Variants in MMEL1 observed in about 807,000 individuals in gnomAD.
MMEL1 encodes the protein membrane metallo-endopeptidase-like 1.
In MMEL1, 98 loss-of-function variants were observed where a neutral mutation model predicts 117.1. The ratio of observed to expected loss-of-function variants is 0.84; its 90% CI spans 0.71 to 0.99. MMEL1 has a LOEUF of 0.99. Among genes scored for constraint, MMEL1 ranks in the 50% least tolerant of loss-of-function variants. MMEL1 has a pLI of 0.00. For missense variants in MMEL1, 1,014 were observed against 1,049.1 expected (o/e 0.97, Z 0.46); for synonymous variants, 390 against 415.1 (o/e 0.94, Z 0.74).
intron 18 of MMEL1, 107 bp from the exon 19 acceptor site, chr1:2,594,040 C>T (rs1051398427): frequency 2.9e-5 from 41 of 1,390,924 alleles, no homozygotes; most frequent in Middle Eastern, 4.0e-4. Context: ...TCCCACAGAC[C>T]GGGAGGCAGA....
At chr1:2,599,159 C>A (rs1184874321) in intron 11 of MMEL1, among the ~76,000 whole-genome samples, 1 of 152,246 alleles carries the variant, frequency 6.6e-6, no homozygotes, top group African/African-American at 2.4e-5. Flanking sequence ...CCAGTGGATT[C>A]TATCTGACAT....
chr1:2,602,943 A>G (rs1243664926), intron 11 of MMEL1, among the ~76,000 whole-genome samples: 1 of 152,086 alleles, frequency 6.6e-6, no homozygotes, highest in Non-Finnish European at 1.5e-5. Flanking sequence ...CCCGCACCGG[A>G]ACCTCGATCG....
intron 2 of MMEL1, among the ~76,000 whole-genome samples, chr1:2,623,476 T>A (rs1645321884): frequency 1.3e-5 from 2 of 152,252 alleles, no homozygotes; most frequent in Admixed American, 1.3e-4. Flanking sequence ...GTAAACAATT[T>A]CCGAGTGATA....
chr1:2,615,576 G>A (rs766849216), intron 2 of MMEL1, among the ~76,000 whole-genome samples: 5 of 152,180 alleles, frequency 3.3e-5, no homozygotes, highest in East Asian at 1.9e-4. Flanking sequence ...GAGGGAAAAC[G>A]GGGAAATGTG....
At chr1:2,594,353 G>A (rs1242000487) in intron 18 of MMEL1, 32 bp downstream of exon 18, 4 of 1,550,526 alleles carry the variant, frequency 2.6e-6, no homozygotes, top group Non-Finnish European at 3.5e-6. Flanking sequence ...GCACCAAAGG[G>A]CCTGGGCAGG....
chr1:2,630,569 CTGTG>C (rs1234880589), intron 1 of MMEL1, among the ~76,000 whole-genome samples: 3 of 132,780 alleles, frequency 2.3e-5, no homozygotes, highest in African/African-American at 8.3e-5. Context: ...ATGTGTGTGA[CTGTG>C]AGTGAGTGTG....
chr1:2,607,988 G>A (rs1276488010), intron 6 of MMEL1, among the ~76,000 whole-genome samples: 1 of 152,138 alleles, frequency 6.6e-6, no homozygotes, highest in African/African-American at 2.4e-5. Context: ...GTCCTGAGTT[G>A]CGTTCCAGTT....
chr1:2,598,084 G>A (rs971580082), intron 13 of MMEL1, 123 bp downstream of exon 13: 27 of 924,594 alleles, frequency 2.9e-5, no homozygotes, highest in Non-Finnish European at 3.4e-5. Flanking sequence ...TGGGCGCCTC[G>A]CCCTGCCTCG....
Position 2,609,833 on chromosome 1 carries a change from T to C in MMEL1, c.293-2A>G. 6.2e-7 allele frequency: 1 copy of C among 1,602,476 alleles called. No individual in the cohort carries two copies. ...CCATGTTCTGGAGGATCCTGGCAGC[T>C]GCTCGTCCCCATGGCGTGGAGCAGG... On this transcript the variant is annotated splice_acceptor_variant, in intron 4 of 23. Transcript: ENST00000378412. LOFTEE classifies it high-confidence loss of function.
At chr1:2,604,120 G>GCGGGCCCCC in intron 10 of MMEL1, 27 bp downstream of exon 10, 4 of 1,330,068 alleles carry the variant, frequency 3.0e-6, no homozygotes, top group Non-Finnish European at 4.3e-6. Flanking sequence ...CTCGCTGCCC[G>GCGGGCCCCC]CTCCCCACCC....
At chr1:2,614,765 C>T (rs1211339831) in intron 2 of MMEL1, among the ~76,000 whole-genome samples, 1 of 151,888 alleles carries the variant, frequency 6.6e-6, no homozygotes, top group Non-Finnish European at 1.5e-5. Context: ...ATCCTAGAAG[C>T]TGTTGGTTTT....
rs770771638 is a variant in MMEL1 at position 2,596,614 on chromosome 1, C to T, written c.1348G>A (p.Ala450Thr). Residue 450 changes from alanine (A) to threonine (T), a missense_variant, in exon 14 of 24, where the codon GCC becomes ACC. Physicochemically the swap from Ala to Thr is moderately conservative, Grantham distance 58. Transcript: ENST00000378412. ...TCCCTGACGTAGAGGGAGCCCACGG[C>T]GTTCTCCATGTTGCTGTTGACGTAG... ...VGYVNSNMENAVGSLYVREAF... is the reference protein window; with the variant it reads ...VGYVNSNMENTVGSLYVREAF... The T allele has an allele frequency of 8.1e-6, 13 of 1,612,914 alleles. No homozygotes were observed. Among genetic ancestry groups the T allele is most frequent in the African/African-American group, 5.3e-5 (4 of 74,898 alleles).
In MMEL1 at chr1:2,595,374, G is replaced by A; in HGVS notation, c.1501-15C>T. ...ATGCTCATGGCCTGAGTGGGGAGGA[G>A]GGACTGGTCAGTGGGTGCCCCACTG... On this transcript the variant is annotated splice_polypyrimidine_tract_variant and intron_variant, in intron 15 of 23. Transcript: ENST00000378412. This position sits in a 1 kb window ranked among gnomAD's most constrained non-coding sequence, Gnocchi z 4.8. 5 of 1,612,956 alleles carry A rather than the reference G, an allele frequency of 3.1e-6. No individual in the cohort carries two copies. The highest frequency in any genetic ancestry group is 4.2e-6 in the Non-Finnish European group (5 of 1,179,378).
At chr1:2,630,603 G>A (rs1638507004) in intron 1 of MMEL1, among the ~76,000 whole-genome samples, 1 of 151,596 alleles carries the variant, frequency 6.6e-6, no homozygotes, top group Non-Finnish European at 1.5e-5. Context: ...GTCCTCGTGT[G>A]TGCATGTGTG....
chr1:2,630,322 G>A (rs1237610562), intron 1 of MMEL1: 1 of 152,516 alleles, frequency 6.6e-6, no homozygotes, highest in Non-Finnish European at 1.5e-5. Context: ...ATGAGTGTGT[G>A]CATGTAGTTG....
At chr1:2,618,051 C>T (rs1221051240) in intron 2 of MMEL1, among the ~76,000 whole-genome samples, 1 of 152,078 alleles carries the variant, frequency 6.6e-6, no homozygotes, top group Non-Finnish European at 1.5e-5. Flanking sequence ...TTTTGTTTTC[C>T]TAAAGTTTTC....
chr1:2,618,648 G>A (rs912761850), intron 2 of MMEL1, among the ~76,000 whole-genome samples: 6 of 152,258 alleles, frequency 3.9e-5, no homozygotes, highest in South Asian at 2.1e-4. Context: ...GAAACCTCTC[G>A]CGGAGAAGCC....
intron 1 of MMEL1, among the ~76,000 whole-genome samples, chr1:2,630,946 C>T (rs1235082684): frequency 6.7e-6 from 1 of 148,300 alleles, no homozygotes; most frequent in African/African-American, 2.5e-5. Context: ...TGGATATGCA[C>T]GTGTGTGCGT....
chr1:2,622,323 C>T (rs962506092), intron 2 of MMEL1, among the ~76,000 whole-genome samples: 1 of 152,180 alleles, frequency 6.6e-6, no homozygotes, highest in African/African-American at 2.4e-5. Context: ...CAACACCGGT[C>T]CTGCGGCCTT....
Sources: gnomAD v4.1 joint callset for allele counts (sites outside exome capture counted in the v4.1 genomes callset) on GRCh38, gnomAD v4.1.1 for gene constraint, Gnocchi (gnomAD v3.1) non-coding constraint, MANE v1.5 for transcripts, NCBI Gene and HGNC (gene_info 2026-07-23, HGNC 2026-07-21) for gene names.